Variants in CNTN3 observed in about 807,000 individuals in gnomAD.
The protein encoded by CNTN3 is contactin-3.
Under a neutral mutation model 119.1 loss-of-function variants are expected in CNTN3, and 60 were observed. The ratio of observed to expected loss-of-function variants is 0.50; its 90% CI spans 0.41 to 0.62. CNTN3 has a LOEUF of 0.62. Among genes scored for constraint, CNTN3 ranks in the 20% least tolerant of loss-of-function variants. The pLI is 0.00. For missense variants in CNTN3, 1,101 were observed against 1,242.4 expected, an observed-to-expected ratio of 0.89 and a Z score of 1.71; for synonymous variants, 450 against 438.7, an observed-to-expected ratio of 1.03 and a Z score of -0.32.
At chr3:74,318,499 G>A (rs1702894925) in intron 13 of CNTN3, among the ~76,000 whole-genome samples, 1 of 152,088 alleles carries the variant, frequency 6.6e-6, no homozygotes, top group Non-Finnish European at 1.5e-5. Flanking sequence ...TGATGGTCAC[G>A]TACAGAGGGG....
chr3:74,441,116 A>G (rs927940316), intron 4 of CNTN3, among the ~76,000 whole-genome samples: 5 of 152,162 alleles, frequency 3.3e-5, no homozygotes, highest in Non-Finnish European at 7.4e-5. Context: ...TATGGGGAAT[A>G]ATTAAAATTA....
intron 11 of CNTN3, among the ~76,000 whole-genome samples, chr3:74,337,105 T>C (rs1347982266): frequency 1.3e-5 from 2 of 152,108 alleles, no homozygotes; most frequent in Non-Finnish European, 2.9e-5. Context: ...CTGCATGTCT[T>C]TTACTATGAA....
chr3:74,330,219 G>A lies in CNTN3; in HGVS notation c.1668+4516C>T, dbSNP rs770161236. On this transcript the variant is annotated intron_variant, in intron 13 of 22. Coordinates refer to ENST00000263665, the MANE Select transcript of CNTN3 (RefSeq NM_020872.3). ...AAAAATACAAAAATTAGCCGGACACGGTGGTGCATGCCGGTAGTCCCAGCT... is the reference window on the plus strand; with the variant it reads ...AAAAATACAAAAATTAGCCGGACACAGTGGTGCATGCCGGTAGTCCCAGCT... Among the ~76,000 whole-genome samples the A allele has an allele frequency of 7.9e-5, 12 of 152,078 alleles. No individual in the cohort carries two copies. The South Asian group carries it at 1.2e-3, about 16-fold the overall frequency.
At chr3:74,385,337 T>C (rs1704721966) in intron 5 of CNTN3, among the ~76,000 whole-genome samples, 1 of 152,208 alleles carries the variant, frequency 6.6e-6, no homozygotes. Flanking sequence ...TCCTCTTATA[T>C]ATGAATATAT....
At chr3:74,292,398 C>T (rs1033349732) in intron 19 of CNTN3, among the ~76,000 whole-genome samples, 1 of 152,078 alleles carries the variant, frequency 6.6e-6, no homozygotes, top group Non-Finnish European at 1.5e-5. Context: ...AACCCCATCT[C>T]TACTAAAAAA....
chr3:74,277,474 A>G (rs1173113393), intron 20 of CNTN3, among the ~76,000 whole-genome samples: 1 of 152,220 alleles, frequency 6.6e-6, no homozygotes, highest in Non-Finnish European at 1.5e-5. Flanking sequence ...TACACAAGTC[A>G]ATAAATGTGA....
chr3:74,307,165 C>T (rs1036972909), intron 13 of CNTN3, among the ~76,000 whole-genome samples: 2 of 152,014 alleles, frequency 1.3e-5, no homozygotes, highest in Non-Finnish European at 2.9e-5. Flanking sequence ...AGAAGGAGAG[C>T]TGAATGGGGT....
rs761765031 is a variant in CNTN3, at chr3:74,371,365, T to C, written c.489A>G (p.Pro163=). 1.9e-6 allele frequency: 3 copies of C among 1,613,236 alleles called. No homozygotes were observed. Among genetic ancestry groups the C allele is most frequent in the Admixed American group, 1.7e-5 (1 of 59,914 alleles). The change falls in exon 6 of 23, where the codon CCA becomes CCG. Residue 163 remains proline (P), a synonymous_variant. Coordinates refer to ENST00000263665, the MANE Select transcript of CNTN3 (RefSeq NM_020872.3). The part of the protein sequence containing the change: ...LSYAWIFNEY[P]SFVEEDSRRF... Reference sequence around the variant, plus strand: ...TCCGACTATCTTCTTCAACAAACGATGGGTATTCATTGAAGATCCAAGCAT... The same window carrying C: ...TCCGACTATCTTCTTCAACAAACGACGGGTATTCATTGAAGATCCAAGCAT...
intron 4 of CNTN3, among the ~76,000 whole-genome samples, chr3:74,485,075 A>G (rs2107038531): frequency 6.6e-6 from 1 of 152,260 alleles, no homozygotes; most frequent in African/African-American, 2.4e-5. Flanking sequence ...GTTAACAACT[A>G]TATGCACATA....
chr3:74,405,277 C>A (rs983668134), intron 5 of CNTN3, among the ~76,000 whole-genome samples: 3 of 151,994 alleles, frequency 2.0e-5, no homozygotes, highest in African/African-American at 7.2e-5. Context: ...TCTCTCACTT[C>A]TTTGAAATGC....
At chr3:74,583,558 G>A (rs1004812412) in intron 1 of CNTN3, among the ~76,000 whole-genome samples, 5 of 152,134 alleles carry the variant, frequency 3.3e-5, no homozygotes, top group African/African-American at 1.2e-4. Context: ...CTCGGAGGAC[G>A]TGGGGAACTG....
Position 74,285,332 on chromosome 3 carries a change from T to C in CNTN3, c.2677A>G (p.Thr893Ala). The C allele has an allele frequency of 6.2e-7, 1 of 1,610,488 alleles. No individual in the cohort carries two copies. Among genetic ancestry groups the C allele is most frequent in the Non-Finnish European group, 8.5e-7 (1 of 1,178,906 alleles). ...NSAGAGPFSA[T>A]VNVTTKKTPP... ...GTTTTCTTGGTGGTTACATTAACTG[T>C]GGCGCTAAAAGGCCCAGCGCCGGCA... The change falls in exon 20 of 23, where the codon ACA becomes GCA. Residue 893 changes from threonine (T) to alanine (A), a missense_variant. Physicochemically the swap from Thr to Ala is moderately conservative, Grantham distance 58 (BLOSUM62 0). Coordinates refer to ENST00000263665, the MANE Select transcript of CNTN3 (RefSeq NM_020872.3).
At chr3:74,382,843 T>C (rs552445430) in intron 5 of CNTN3, among the ~76,000 whole-genome samples, 16 of 152,332 alleles carry the variant, frequency 1.1e-4, no homozygotes, top group African/African-American at 3.4e-4. Flanking sequence ...AGTGCAGATA[T>C]CTCTTCAGAA....
At chr3:74,603,249 G>A (rs1704940256) in intron 1 of CNTN3, among the ~76,000 whole-genome samples, 1 of 152,168 alleles carries the variant, frequency 6.6e-6, no homozygotes, top group Admixed American at 6.5e-5. Context: ...GGCTGAGACA[G>A]TTCCCCTAAG....
chr3:74,423,967 A>G (rs1285443091), intron 5 of CNTN3, among the ~76,000 whole-genome samples: 1 of 152,206 alleles, frequency 6.6e-6, no homozygotes, highest in Non-Finnish European at 1.5e-5. Flanking sequence ...AAAGTCCAGC[A>G]TGTTTTCCTT....
intron 13 of CNTN3, among the ~76,000 whole-genome samples, chr3:74,311,066 G>GTTAT (rs796391545): frequency 6.6e-6 from 1 of 152,138 alleles, no homozygotes; most frequent in African/African-American, 2.4e-5. Context: ...TCCAAGATAG[G>GTTAT]TTATTTATTT....
chr3:74,596,726 C>T (rs1381435829), intron 1 of CNTN3, among the ~76,000 whole-genome samples: 1 of 151,888 alleles, frequency 6.6e-6, no homozygotes, highest in East Asian at 2.0e-4. Context: ...CCTCAAAATA[C>T]AGTATCAAAA....
At chr3:74,340,248 T>C (rs1418564934) in intron 11 of CNTN3, among the ~76,000 whole-genome samples, 1 of 152,062 alleles carries the variant, frequency 6.6e-6, no homozygotes, top group African/African-American at 2.4e-5. Flanking sequence ...TGTACACATA[T>C]GTAGCTATGT....
At chr3:74,587,227 G>A (rs1704608858) in intron 1 of CNTN3, among the ~76,000 whole-genome samples, 1 of 152,002 alleles carries the variant, frequency 6.6e-6, no homozygotes, top group Non-Finnish European at 1.5e-5. Context: ...AAGCCCAATT[G>A]AGTTCAACAT....
Sources: allele counts gnomAD v4.1 joint callset (sites outside exome capture counted in the v4.1 genomes callset), GRCh38; gene constraint gnomAD v4.1.1; transcripts MANE v1.5; gene names NCBI Gene and HGNC (gene_info 2026-07-23, HGNC 2026-07-21).